MCTP1: variants seen among roughly 807,000 people sequenced by gnomAD.
The protein encoded by MCTP1 is multiple C2 and transmembrane domain-containing protein 1.
MCTP1 carries 69 observed loss-of-function variants against 120.6 expected under a neutral mutation model. The observed-to-expected ratio is 0.57, with a 90% CI of 0.47 to 0.70. The LOEUF is 0.70. Among genes scored for constraint, MCTP1 ranks in the 30% least tolerant of loss-of-function variants. MCTP1 has a pLI of 0.00. For synonymous variants in MCTP1, 529 were observed against 493.1 expected (o/e 1.07, Z -0.96); for missense variants, 1,203 against 1,248.8 (o/e 0.96, Z 0.55).
chr5:95,157,773 G>A (rs935390211), intron 1 of MCTP1, among the ~76,000 whole-genome samples: 2 of 152,158 alleles, frequency 1.3e-5, no homozygotes, highest in Admixed American at 1.3e-4. Flanking sequence ...AGCAAACTGT[G>A]GCTCACGGGC....
intron 19 of MCTP1, among the ~76,000 whole-genome samples, chr5:94,768,776 A>G (rs1773402214): frequency 6.6e-6 from 1 of 152,172 alleles, no homozygotes; most frequent in Non-Finnish European, 1.5e-5. Context: ...ACTCTTGTGC[A>G]TAATTGGTGG....
At chr5:94,773,112 G>C (rs1164681708) in intron 19 of MCTP1, among the ~76,000 whole-genome samples, 1 of 152,146 alleles carries the variant, frequency 6.6e-6, no homozygotes, top group Non-Finnish European at 1.5e-5. Context: ...AGGAGAAATG[G>C]ATCCTTCCCT....
intron 1 of MCTP1, among the ~76,000 whole-genome samples, chr5:95,257,454 A>G (rs1000302593): frequency 6.6e-6 from 1 of 152,186 alleles, no homozygotes; most frequent in African/African-American, 2.4e-5. Context: ...AAAAAATCCC[A>G]CAACTCTTTG....
chr5:95,125,982 T>C (rs1011006411), intron 1 of MCTP1, among the ~76,000 whole-genome samples: 8 of 152,232 alleles, frequency 5.3e-5, no homozygotes, highest in Admixed American at 2.0e-4. Flanking sequence ...TGAAGAAAGA[T>C]AACATATTAA....
At chr5:95,264,038 G>A (rs1226840253) in intron 1 of MCTP1, among the ~76,000 whole-genome samples, 3 of 152,170 alleles carry the variant, frequency 2.0e-5, no homozygotes. Context: ...AGAAGCTGAG[G>A]CAGCAATGGG....
chr5:94,784,343 T>C (rs530741369), intron 18 of MCTP1, among the ~76,000 whole-genome samples: 5 of 152,184 alleles, frequency 3.3e-5, no homozygotes, highest in East Asian at 3.9e-4. Flanking sequence ...AAGTATGATA[T>C]GAAATGATGG....
At chr5:94,939,716 C>T (rs531091088) in intron 5 of MCTP1, among the ~76,000 whole-genome samples, 3 of 152,076 alleles carry the variant, frequency 2.0e-5, no homozygotes, top group South Asian at 2.1e-4. Flanking sequence ...CCTGACAATA[C>T]AGTCAAAACA....
intron 1 of MCTP1, among the ~76,000 whole-genome samples, chr5:95,136,615 C>T (rs540630952): frequency 1.4e-4 from 21 of 152,266 alleles, no homozygotes; most frequent in Admixed American, 6.5e-4. Context: ...TGAGAGAAGA[C>T]GCTCTAGCTC....
intron 1 of MCTP1, among the ~76,000 whole-genome samples, chr5:95,168,245 A>G (rs571590122): frequency 6.6e-6 from 1 of 152,126 alleles, no homozygotes; most frequent in East Asian, 1.9e-4. Flanking sequence ...GTTCTGTTCC[A>G]TTGGTTTATT....
intron 1 of MCTP1, among the ~76,000 whole-genome samples, chr5:95,082,628 G>T (rs972267155): frequency 2.0e-5 from 3 of 152,090 alleles, no homozygotes; most frequent in African/African-American, 7.2e-5. Context: ...ATTAATTTTA[G>T]TAATGGTTAC....
chr5:95,277,882 C>A (rs1759978229), intron 1 of MCTP1, among the ~76,000 whole-genome samples: 1 of 152,084 alleles, frequency 6.6e-6, no homozygotes, highest in Non-Finnish European at 1.5e-5. Flanking sequence ...GAAAATTGTT[C>A]TCTCAAGAAG....
At chr5:94,918,670 A>G (rs2153454349) in intron 7 of MCTP1, among the ~76,000 whole-genome samples, 1 of 152,314 alleles carries the variant, frequency 6.6e-6, no homozygotes, top group South Asian at 2.1e-4. Context: ...GCAGTTAAAG[A>G]AAGTTTCTTA....
At chr5:95,174,304 GTATT>G (rs1419856858) in intron 1 of MCTP1, among the ~76,000 whole-genome samples, 1 of 151,838 alleles carries the variant, frequency 6.6e-6, no homozygotes, top group Non-Finnish European at 1.5e-5. Context: ...TTCAAAACCC[GTATT>G]AATTATTAAT....
chr5:94,791,707 T>C (rs1422161905), intron 18 of MCTP1: 3 of 152,186 alleles, frequency 2.0e-5, no homozygotes, highest in Non-Finnish European at 4.4e-5. Context: ...GTAAGTATAT[T>C]TTAAAGAAAA....
At chr5:95,190,008 T>C (rs780750121) in intron 1 of MCTP1, among the ~76,000 whole-genome samples, 2 of 152,116 alleles carry the variant, frequency 1.3e-5, no homozygotes, top group Non-Finnish European at 2.9e-5. Context: ...GAGACGTATA[T>C]ATATGCAAAG....
At chr5:94,870,812 C>A in intron 15 of MCTP1, 60 bp downstream of exon 15, 1 of 1,160,014 alleles carries the variant, frequency 8.6e-7, no homozygotes, top group Non-Finnish European at 1.3e-6. Context: ...AAATCAGGAA[C>A]AAAAGCTTTC....
intron 6 of MCTP1, 123 bp from the exon 7 acceptor site, chr5:94,924,144 T>C (rs1812409568): frequency 2.0e-6 from 1 of 494,198 alleles, no homozygotes; most frequent in Non-Finnish European, 3.4e-6. Context: ...TAAAGATACT[T>C]GGGATATTTA....
intron 1 of MCTP1, chr5:95,068,705 C>T (rs56341648): frequency 2.2e-5 from 19 of 851,066 alleles, no homozygotes; most frequent in Middle Eastern, 2.7e-4. Context: ...TTTCACAATT[C>T]GGTCAAAAAA....
intron 1 of MCTP1, among the ~76,000 whole-genome samples, chr5:95,149,821 A>C (rs1470317126): frequency 2.0e-5 from 3 of 150,618 alleles, no homozygotes; most frequent in Non-Finnish European, 4.4e-5. Context: ...CAGGAACCTC[A>C]TAGGGTTTCT....
Sources: allele counts gnomAD v4.1 joint callset (sites outside exome capture counted in the v4.1 genomes callset), GRCh38; gene constraint gnomAD v4.1.1; transcripts MANE v1.5; gene names NCBI Gene and HGNC (gene_info 2026-07-23, HGNC 2026-07-21).